DOCK1: variants seen among roughly 807,000 people sequenced by gnomAD.
DOCK1 encodes dedicator of cytokinesis protein 1.
Under a neutral mutation model 262.7 loss-of-function variants are expected in DOCK1, and 138 were observed. The observed-to-expected ratio is 0.53, with a 90% CI of 0.46 to 0.61. The LOEUF (loss-of-function observed/expected upper bound fraction) is 0.61, where lower values mean the gene tolerates loss of function less well. Among genes scored for constraint, DOCK1 ranks in the 20% least tolerant of loss-of-function variants. The pLI, the probability that DOCK1 is intolerant of heterozygous loss-of-function variation, is 0.00. For missense variants in DOCK1, 1,908 were observed against 2,370.7 expected (o/e 0.80, Z 4.05); for synonymous variants, 866 against 867.4 (o/e 1.00, Z 0.03).
chr10:127,140,363 G>A lies in DOCK1; in HGVS notation c.2847+12599G>A, dbSNP rs148440097. Among the ~76,000 whole-genome samples, 444 of 152,284 alleles carry A rather than the reference G, an allele frequency of 2.9e-3. 2 individuals are homozygous for A. Among genetic ancestry groups the A allele is most frequent in the Middle Eastern group, 0.02 (6 of 294 alleles). On this transcript the variant is annotated intron_variant, in intron 27 of 51. Coordinates refer to ENST00000623213, the MANE Select transcript of DOCK1 (RefSeq NM_001290223.2). ...GCTGCCCTGGGAATCTGCAACCAGAGGCAGGTTCCTTGGTAGAGGGCACTT... is the reference window on the plus strand; with the variant it reads ...GCTGCCCTGGGAATCTGCAACCAGAAGCAGGTTCCTTGGTAGAGGGCACTT...
chr10:127,272,137 G>C (rs1286100262), intron 29 of DOCK1: 1 of 152,158 alleles, frequency 6.6e-6, no homozygotes, highest in African/African-American at 2.4e-5. Flanking sequence ...ACTTAATACT[G>C]TACCTGTCAA....
At chr10:127,212,242 A>G (rs1338893842) in intron 27 of DOCK1, among the ~76,000 whole-genome samples, 5 of 152,094 alleles carry the variant, frequency 3.3e-5, no homozygotes, top group Non-Finnish European at 5.9e-5. Context: ...GCATTAAATT[A>G]TTTCAAGAAT....
chr10:127,113,077 A>C (rs1225040741), intron 25 of DOCK1, among the ~76,000 whole-genome samples: 1 of 152,172 alleles, frequency 6.6e-6, no homozygotes, highest in East Asian at 1.9e-4. Context: ...TGGTATAACA[A>C]TTTAAAGCCA....
intron 23 of DOCK1, among the ~76,000 whole-genome samples, chr10:127,082,714 A>T (rs1253442815): frequency 6.6e-6 from 1 of 152,080 alleles, no homozygotes; most frequent in Non-Finnish European, 1.5e-5. Context: ...ATCAAGAGTG[A>T]CAGCAACTGT....
chr10:127,254,852 T>TG (rs1367442284), intron 28 of DOCK1, among the ~76,000 whole-genome samples: 1 of 152,166 alleles, frequency 6.6e-6, no homozygotes, highest in Non-Finnish European at 1.5e-5. Flanking sequence ...TGGAAAGCAT[T>TG]GATGCCTTGA....
intron 12 of DOCK1, chr10:127,013,349 C>G (rs2041618361): frequency 1.3e-5 from 2 of 152,188 alleles, no homozygotes; most frequent in South Asian, 4.2e-4. Flanking sequence ...CCAATTTACA[C>G]TTTAATTGAA....
chr10:127,359,269 G>A (rs1264189089), intron 32 of DOCK1, among the ~76,000 whole-genome samples: 5 of 152,196 alleles, frequency 3.3e-5, no homozygotes, highest in Admixed American at 6.5e-5. Context: ...ACCAGCTCCA[G>A]GCCAGTGTGT....
rs1430738311 is a variant in DOCK1, at chr10:126,922,127, A to T, written c.46+16564A>T. ...TTCAAAAGGCTGAGGTGGGAGGATT[A>T]TGTCCCTGGAGCCCAGGAAGTGGAG... On this transcript the variant is annotated intron_variant, in intron 1 of 51. Coordinates refer to ENST00000623213, the MANE Select transcript of DOCK1 (RefSeq NM_001290223.2). Among the ~76,000 whole-genome samples the T allele has an allele frequency of 2.1e-5, 3 of 140,840 alleles. No homozygotes were observed. In the Admixed American group the frequency reaches 2.3e-4, roughly 11 times the overall value. 92.4% of individuals were successfully genotyped at this position (140,840 alleles called of 152,430 possible). A position where few individuals can be genotyped will look rare whatever the true frequency, so the allele number is the denominator to read the frequency against.
At chr10:127,273,164 G>T (rs1165647313) in intron 29 of DOCK1, among the ~76,000 whole-genome samples, 2 of 152,216 alleles carry the variant, frequency 1.3e-5, no homozygotes, top group Admixed American at 1.3e-4. Flanking sequence ...TCCTGCAAGA[G>T]CCAGAAAATC....
At chr10:127,208,076 G>T (rs2057804557) in intron 27 of DOCK1, among the ~76,000 whole-genome samples, 1 of 152,198 alleles carries the variant, frequency 6.6e-6, no homozygotes, top group Admixed American at 6.5e-5. Flanking sequence ...ATTACTTCTG[G>T]CAGGGGATAT....
chr10:127,231,325 G>A (rs1320242418), intron 27 of DOCK1, among the ~76,000 whole-genome samples: 2 of 151,268 alleles, frequency 1.3e-5, no homozygotes, highest in Non-Finnish European at 2.9e-5. Flanking sequence ...AGTACTATTC[G>A]ATACAAGAAA....
At chr10:127,263,862 G>A (rs1361886805) in intron 29 of DOCK1, among the ~76,000 whole-genome samples, 1 of 152,134 alleles carries the variant, frequency 6.6e-6, no homozygotes, top group Non-Finnish European at 1.5e-5. Context: ...CTTAGGGTTT[G>A]CCTTCGTGCT....
rs61224822 is a variant in DOCK1, at chr10:127,095,661, C to CTGTGTGTGTGTGTGTG, written c.2446-10555_2446-10540dup. On this transcript the variant is annotated intron_variant, in intron 23 of 51. Transcript: ENST00000623213. ...TGACACAACCACGTGGGCCAGGAAG[C>CTGTGTGTGTGTGTGTG]TGTGTGTGTGTGTGTGTGTGTGTGT... Among the ~76,000 whole-genome samples, 211 of 148,182 alleles carry CTGTGTGTGTGTGTGTG rather than the reference C, an allele frequency of 1.4e-3. 1 individual carries two copies. The highest frequency in any genetic ancestry group is 4.9e-3 in the African/African-American group (196 of 40,272).
chr10:127,358,966 C>T (rs897417848), intron 32 of DOCK1, among the ~76,000 whole-genome samples: 5 of 152,096 alleles, frequency 3.3e-5, no homozygotes, highest in African/African-American at 4.8e-5. Flanking sequence ...GCTATGAGAC[C>T]GGCAAGGACT....
At chr10:127,088,617 T>C (rs550676488) in intron 23 of DOCK1, among the ~76,000 whole-genome samples, 2 of 152,328 alleles carry the variant, frequency 1.3e-5, no homozygotes, top group Admixed American at 1.3e-4. Flanking sequence ...AAAGGTATGT[T>C]ATATTTATTT....
chr10:127,408,610 T>C (rs754351806), intron 40 of DOCK1, among the ~76,000 whole-genome samples: 2 of 152,182 alleles, frequency 1.3e-5, no homozygotes, highest in Non-Finnish European at 1.5e-5. Context: ...AACAACTTCA[T>C]TAGGGCCTAC....
chr10:127,040,197 C>T (rs752142955), intron 19 of DOCK1, among the ~76,000 whole-genome samples: 5 of 152,198 alleles, frequency 3.3e-5, no homozygotes, highest in East Asian at 1.9e-4. Flanking sequence ...TTTTGACCTT[C>T]GCAAAGAATC....
intron 21 of DOCK1, among the ~76,000 whole-genome samples, chr10:127,044,946 C>T (rs923572512): frequency 6.6e-6 from 1 of 152,044 alleles, no homozygotes; most frequent in African/African-American, 2.4e-5. Context: ...CCTGTAATCC[C>T]AGCACTTTGG....
chr10:127,378,792 T>A (rs981379974), intron 35 of DOCK1, among the ~76,000 whole-genome samples: 1 of 152,244 alleles, frequency 6.6e-6, no homozygotes. Context: ...GCAGATTCTC[T>A]TTGTTGCGAC....
Sources: allele counts gnomAD v4.1 joint callset (sites outside exome capture counted in the v4.1 genomes callset), GRCh38; gene constraint gnomAD v4.1.1; transcripts MANE v1.5; gene names NCBI Gene and HGNC (gene_info 2026-07-23, HGNC 2026-07-21).